The following CDH4 variants were observed in gnomAD, a reference collection of about 807,000 sequenced individuals.
CDH4 encodes the protein cadherin 4, also known as cadherin-4.
Under a neutral mutation model 86.0 loss-of-function variants are expected in CDH4, and 33 were observed. That is an observed-to-expected ratio of 0.38 (90% CI 0.29 to 0.51). The LOEUF is 0.51. Among genes scored for constraint, CDH4 ranks in the 20% least tolerant of loss-of-function variants. CDH4 has a pLI of 0.86. For synonymous variants in CDH4, 555 were observed against 549.4 expected (o/e 1.01, Z -0.14); for missense variants, 1,114 against 1,307.4 (o/e 0.85, Z 2.28).
intron 4 of CDH4, among the ~76,000 whole-genome samples, chr20:61,786,287 C>A (rs192465828): frequency 6.6e-6 from 1 of 152,286 alleles, no homozygotes; most frequent in East Asian, 1.9e-4. Context: ...TGCACCACCC[C>A]CATGACCGTC....
At chr20:61,422,869 TG>T (rs752557909) in intron 2 of CDH4, among the ~76,000 whole-genome samples, 8 of 152,222 alleles carry the variant, frequency 5.3e-5, no homozygotes, top group Non-Finnish European at 1.2e-4. Flanking sequence ...CTTCTCCTGC[TG>T]CTGGGAAGCC....
chr20:61,508,742 G>A (rs945001161), intron 2 of CDH4, among the ~76,000 whole-genome samples: 9 of 152,244 alleles, frequency 5.9e-5, no homozygotes, highest in Admixed American at 3.3e-4. Flanking sequence ...GGTGGCCACC[G>A]GGATTTGAGC....
At chr20:61,891,896 G>A (rs1264119554) in intron 7 of CDH4, among the ~76,000 whole-genome samples, 1 of 152,198 alleles carries the variant, frequency 6.6e-6, no homozygotes, top group African/African-American at 2.4e-5. Flanking sequence ...GATGCTTGTG[G>A]CCTTGCTCTC....
intron 2 of CDH4, among the ~76,000 whole-genome samples, chr20:61,282,536 GGTGTGTGTGCATGTGTGTGTGTGTGT>G (rs1333040313): frequency 6.8e-6 from 1 of 146,644 alleles, no homozygotes; most frequent in Non-Finnish European, 1.5e-5. Flanking sequence ...TCTTTGGCAT[GGTGTGTGTGCATGTGTGTGTGTGTGT>G]GTGTGTGTGT....
At chr20:61,657,254 C>T (rs1007480594) in intron 2 of CDH4, among the ~76,000 whole-genome samples, 2 of 152,204 alleles carry the variant, frequency 1.3e-5, no homozygotes, top group African/African-American at 4.8e-5. Context: ...ACAAACTTAG[C>T]TGCTAACAAA....
At chr20:61,910,272 G>A (rs2054835226) in intron 8 of CDH4, 150 bp from the exon 9 acceptor site, 1 of 678,356 alleles carries the variant, frequency 1.5e-6, no homozygotes, top group African/African-American at 1.8e-5. Flanking sequence ...GGGCTGACAC[G>A]GTGTGTTCTG....
intron 2 of CDH4, among the ~76,000 whole-genome samples, chr20:61,560,743 C>T (rs924469768): frequency 1.1e-4 from 17 of 152,362 alleles, no homozygotes; most frequent in African/African-American, 2.9e-4. Flanking sequence ...GTGACCACCT[C>T]GCCATGAAGG....
rs936032899 is a variant in CDH4 at position 61,480,378 on chromosome 20, C to A, written c.169+225441C>A. On this transcript the variant is annotated intron_variant, in intron 2 of 15. Coordinates refer to ENST00000614565, the MANE Select transcript of CDH4 (RefSeq NM_001794.5). The surrounding 1 kb of genome is among the most constrained non-coding windows in gnomAD (Gnocchi z 5.2). ...TTGTCTGTCTATTTTGTTTGGGTTT[C>A]CCGTTGTTCCAAGGTGGGTGGTGGA... is the stretch of plus-strand genomic sequence containing the variant. Among the ~76,000 whole-genome samples the A allele has an allele frequency of 6.6e-6, 1 of 152,214 alleles. No homozygotes were observed. The highest frequency in any genetic ancestry group is 1.5e-5 in the Non-Finnish European group (1 of 68,026).
At chr20:61,779,575 G>A (rs1212474517) in intron 4 of CDH4, among the ~76,000 whole-genome samples, 3 of 152,250 alleles carry the variant, frequency 2.0e-5, no homozygotes, top group African/African-American at 4.8e-5. Context: ...GAAGTGCAAC[G>A]TTTCCTTCAC....
rs1029141030 is a variant in CDH4 at position 61,663,895 on chromosome 20, G to A, written c.170-79668G>A. Among the ~76,000 whole-genome samples the A allele has an allele frequency of 2.6e-5, 4 of 152,174 alleles. No individual in the cohort carries two copies. Among genetic ancestry groups the A allele is most frequent in the South Asian group, 2.1e-4 (1 of 4,826 alleles). On this transcript the variant is annotated intron_variant, in intron 2 of 15. Coordinates refer to ENST00000614565, the MANE Select transcript of CDH4 (RefSeq NM_001794.5). The surrounding 1 kb of genome is among the most constrained non-coding windows in gnomAD (Gnocchi z 5.0). The stretch of plus-strand genomic sequence containing the variant: ...GGCCCTCCACACTCCCACCGCTGGC[G>A]CCAGCATCTGTGCCCGCGGCAGTTT...
At chr20:61,594,750 G>A (rs949888213) in intron 2 of CDH4, among the ~76,000 whole-genome samples, 8 of 152,220 alleles carry the variant, frequency 5.3e-5, no homozygotes, top group East Asian at 1.9e-4. Flanking sequence ...TCTGCAGAGC[G>A]CTGGGTCCCC....
chr20:61,834,113 C>T (rs1237861023), intron 4 of CDH4, among the ~76,000 whole-genome samples: 2 of 152,232 alleles, frequency 1.3e-5, no homozygotes, highest in Non-Finnish European at 2.9e-5. Flanking sequence ...ACAGTCCATG[C>T]AGAGCAAGGG....
intron 2 of CDH4, among the ~76,000 whole-genome samples, chr20:61,545,770 G>A (rs1326043888): frequency 6.6e-6 from 1 of 151,832 alleles, no homozygotes; most frequent in Non-Finnish European, 1.5e-5. Context: ...GTGTGGGGGT[G>A]GGGTGTGTGT....
At position 61,663,742 on chromosome 20, in the gene CDH4, C is replaced by T. The variant is rs920365243; in HGVS notation, c.170-79821C>T. Among the ~76,000 whole-genome samples the T allele has an allele frequency of 2.6e-5, 4 of 152,066 alleles. No homozygotes were observed. Among genetic ancestry groups the T allele is most frequent in the Non-Finnish European group, 4.4e-5 (3 of 68,018 alleles). On this transcript the variant is annotated intron_variant, in intron 2 of 15. Coordinates refer to ENST00000614565, the MANE Select transcript of CDH4 (RefSeq NM_001794.5). This position sits in a 1 kb window ranked among gnomAD's most constrained non-coding sequence, Gnocchi z 5.0. Reference sequence around the variant, plus strand: ...TGCAGAACCAGGCAGGGCTGACAGACGCGGGGTCGGGGGAAGATCAGGAGC... The same window carrying T: ...TGCAGAACCAGGCAGGGCTGACAGATGCGGGGTCGGGGGAAGATCAGGAGC...
intron 2 of CDH4, among the ~76,000 whole-genome samples, chr20:61,562,823 C>T (rs2086230813): frequency 6.6e-6 from 1 of 152,238 alleles, no homozygotes; most frequent in South Asian, 2.1e-4. Context: ...TGAGTTATCA[C>T]ACATTGCCAG....
intron 7 of CDH4, among the ~76,000 whole-genome samples, chr20:61,893,410 G>A (rs1984937446): frequency 6.6e-6 from 1 of 151,420 alleles, no homozygotes; most frequent in South Asian, 2.1e-4. Context: ...GATGGTGGAT[G>A]GAGGGGTGAG....
intron 6 of CDH4, among the ~76,000 whole-genome samples, chr20:61,871,213 A>G (rs1891623438): frequency 6.6e-6 from 1 of 152,064 alleles, no homozygotes; most frequent in South Asian, 2.1e-4. Flanking sequence ...TTGTTTTATC[A>G]TTTATCACAT....
Position 61,318,194 on chromosome 20 carries a change from G to A in CDH4, c.169+63257G>A, listed in dbSNP as rs368464587. Among the ~76,000 whole-genome samples the A allele has an allele frequency of 3.3e-5, 5 of 152,248 alleles. No homozygotes were observed. The South Asian group carries it at 6.2e-4, about 19-fold the overall frequency. ...CATCCTAATAGATGTTAAACTGCCC[G>A]GCTCCTGTTTAGACAGCAGTTTGCT... On this transcript the variant is annotated intron_variant, in intron 2 of 15. Coordinates refer to ENST00000614565, the MANE Select transcript of CDH4 (RefSeq NM_001794.5).
At position 61,399,193 on chromosome 20, in the gene CDH4, C is replaced by T. The variant is rs1263694198; in HGVS notation, c.169+144256C>T. Among the ~76,000 whole-genome samples the T allele has an allele frequency of 2.1e-4, 9 of 42,650 alleles. 3 individuals carry two copies. The Admixed American group carries it at 2.5e-3, about 12-fold the overall frequency. 28.0% of individuals were successfully genotyped at this position (42,650 alleles called of 152,430 possible). A position where few individuals can be genotyped will look rare whatever the true frequency, so the allele number is the denominator to read the frequency against. On this transcript the variant is annotated intron_variant, in intron 2 of 15. Coordinates refer to ENST00000614565, the MANE Select transcript of CDH4 (RefSeq NM_001794.5). ...CAGGCCGGACTGCGGACTGCAGTGGCGCAATCTCGGCTCACTGCAAGCTCC... is the reference window on the plus strand; with the variant it reads ...CAGGCCGGACTGCGGACTGCAGTGGTGCAATCTCGGCTCACTGCAAGCTCC...
Sources: gnomAD v4.1 joint callset for allele counts (sites outside exome capture counted in the v4.1 genomes callset) on GRCh38, gnomAD v4.1.1 for gene constraint, Gnocchi (gnomAD v3.1) non-coding constraint, MANE v1.5 for transcripts, NCBI Gene and HGNC (gene_info 2026-07-23, HGNC 2026-07-21) for gene names.